KRT73: variants seen among roughly 807,000 people sequenced by gnomAD.
KRT73 encodes the protein keratin, type II cytoskeletal 73.
Under a neutral mutation model 47.2 loss-of-function variants are expected in KRT73, and 44 were observed. The ratio of observed to expected loss-of-function variants is 0.93; its 90% CI spans 0.73 to 1.20. The LOEUF is 1.20. Ranked by LOEUF, KRT73 falls within the 50% of genes most tolerant of loss-of-function variation. The pLI, the probability that KRT73 is intolerant of heterozygous loss-of-function variation, is 0.00. For synonymous variants in KRT73, 285 were observed against 291.3 expected (o/e 0.98, Z 0.22); for missense variants, 713 against 704.5 (o/e 1.01, Z -0.14).
intron 1 of KRT73, among the ~76,000 whole-genome samples, chr12:52,617,730 G>A (rs1940840454): frequency 6.6e-6 from 1 of 152,142 alleles, no homozygotes; most frequent in Non-Finnish European, 1.5e-5. Context: ...TAGGCTGCTG[G>A]CTCCTCTCAC....
chr12:52,620,003 G>A (rs1300934993), upstream of KRT73, among the ~76,000 whole-genome samples: 1 of 150,852 alleles, frequency 6.6e-6, no homozygotes. Flanking sequence ...TTGTTTTCTA[G>A]TTAAGAATAA....
In KRT73 at chr12:52,610,730, C is replaced by T; in HGVS notation, c.1216G>A (p.Ala406Thr). 2 of 1,613,984 alleles carry T rather than the reference C, an allele frequency of 1.2e-6. No homozygotes were observed. Among genetic ancestry groups the T allele is most frequent in the Non-Finnish European group, 1.7e-6 (2 of 1,180,010 alleles). ...AGCATCCGTGCCAGCTCCTCCTTGGCCTGCTGCAGGGCGCCCTCCAGCTCA... is the reference window on the plus strand; with the variant it reads ...AGCATCCGTGCCAGCTCCTCCTTGGTCTGCTGCAGGGCGCCCTCCAGCTCA... ...LDELEGALQQ[A>T]KEELARMLRE... The change falls in exon 7 of 9, where the codon GCC becomes ACC. Residue 406 changes from alanine (A) to threonine (T), a missense_variant. By Grantham distance (58) the Ala-to-Thr change is moderately conservative. Coordinates refer to ENST00000305748, the MANE Select transcript of KRT73 (RefSeq NM_175068.3).
intron 6 of KRT73, 138 bp downstream of exon 6, chr12:52,611,066 G>T: frequency 8.7e-7 from 1 of 1,148,074 alleles, no homozygotes. Context: ...TGGGAGCTAA[G>T]GGTGAGGGAT....
At chr12:52,624,147 CAGAG>C in the KRT73 span, among the ~76,000 whole-genome samples, 2 of 151,682 alleles carry the variant, frequency 1.3e-5, no homozygotes, top group Admixed American at 6.6e-5. Flanking sequence ...AATTATGAGA[CAGAG>C]AGAGACAGTG....
Position 52,609,264 on chromosome 12 carries a change from G to T in KRT73, c.1349C>A (p.Thr450Asn). The change falls in exon 8 of 9, where the codon ACC (threonine) becomes AAC (asparagine). Residue 450 changes from threonine (T) to asparagine (N), a missense_variant. By Grantham distance (65) the Thr-to-Asn change is moderately conservative. Transcript: ENST00000305748. ...GEECRMSGEY[T>N]NSVSISVINS... ...ATACTCACAAATGCTCACGGAGTTG[G>T]TATATTCTCCGGACATCCTGCAAGA... 6.2e-7 allele frequency: 1 copy of T among 1,613,622 alleles called. No individual in the cohort carries two copies. Among genetic ancestry groups the T allele is most frequent in the Non-Finnish European group, 8.5e-7 (1 of 1,179,546 alleles).
chr12:52,624,177 C>A, the KRT73 span, among the ~76,000 whole-genome samples: 4 of 151,804 alleles, frequency 2.6e-5, no homozygotes, highest in Non-Finnish European at 5.9e-5. Flanking sequence ...TTTAAAAAGA[C>A]CAATTCACCA....
Position 52,618,158 on chromosome 12 carries a change from G to C in KRT73, c.367C>G (p.Pro123Ala). The C allele has an allele frequency of 1.2e-6, 2 of 1,613,930 alleles. No homozygotes were observed. The highest frequency in any genetic ancestry group is 8.5e-7 in the Non-Finnish European group (1 of 1,179,938). Residue 123 changes from proline to alanine, a missense_variant, in exon 1 of 9, where the codon CCT becomes GCT. Physicochemically the swap from Pro to Ala is conservative, Grantham distance 27. Transcript: ENST00000305748. Reference sequence around the variant, plus strand: ...TGGGCACGCACTTTCTGGATTTCAGGGTCCAGCTCCACGTTCAGGGGTGCC... The same window carrying C: ...TGGGCACGCACTTTCTGGATTTCAGCGTCCAGCTCCACGTTCAGGGGTGCC... The part of the protein sequence containing the change: ...LLAPLNVELD[P>A]EIQKVRAQER...
At chr12:52,609,831 T>G (rs989317884) in intron 7 of KRT73, 2 of 153,156 alleles carry the variant, frequency 1.3e-5, no homozygotes, top group African/African-American at 4.8e-5. Flanking sequence ...AAAAGTGCAT[T>G]TCTTTTAAAA....
At position 52,608,270 on chromosome 12, in the gene KRT73, TC is replaced by T. The variant is rs772875658; in HGVS notation, c.1548del (p.Ser517ValfsTer13). 3.7e-6 allele frequency: 6 copies of T among 1,613,870 alleles called. No homozygotes were observed. In the East Asian group the frequency reaches 1.1e-4, roughly 30 times the overall value. ...TGGGAGTCCCTGAATTCACTTGCAC[TC>T]CCCAGCCTGGTCCTGGCTTCCCCAC... Reference protein sequence around the residue: ...SPRGEARTRLGSASEFRDSQG... With the variant: ...SPRGEARTRLXSASEFRDSQG... On this transcript the variant is annotated frameshift_variant, in exon 9 of 9. Coordinates refer to ENST00000305748, the MANE Select transcript of KRT73 (RefSeq NM_175068.3). LOFTEE classifies it high-confidence loss of function.
chr12:52,617,678 C>T lies in KRT73; in HGVS notation c.447+400G>A, dbSNP rs150979083. Among the ~76,000 whole-genome samples the T allele has an allele frequency of 5.6e-3, 857 of 152,342 alleles. 5 individuals carry two copies. The highest frequency in any genetic ancestry group is 0.019 in the African/African-American group (792 of 41,590). On this transcript the variant is annotated intron_variant, in intron 1 of 8. Coordinates refer to ENST00000305748, the MANE Select transcript of KRT73 (RefSeq NM_175068.3). ...AGGCTGTCACTCTGCTACTTCTCAA[C>T]TCAGAGACCGCTCTCATTGCTTCCT...
chr12:52,608,281 G>C lies in KRT73; in HGVS notation c.1538C>G (p.Thr513Ser). 1.2e-6 allele frequency: 2 copies of C among 1,613,990 alleles called. No homozygotes were observed. Among genetic ancestry groups the C allele is most frequent in the Non-Finnish European group, 1.7e-6 (2 of 1,179,998 alleles). Residue 513 changes from threonine (T) to serine (S), a missense_variant, in exon 9 of 9, where the codon ACC (threonine) becomes AGC (serine). By Grantham distance (58) the Thr-to-Ser change is moderately conservative. Transcript: ENST00000305748. ...GAATTCACTTGCACTCCCCAGCCTG[G>C]TCCTGGCTTCCCCACGGGGGCTACA... ...GNCSPRGEAR[T>S]RLGSASEFRD...
upstream of KRT73, among the ~76,000 whole-genome samples, chr12:52,621,518 CATG>C (rs1277687592): frequency 1.3e-5 from 2 of 152,170 alleles, no homozygotes; most frequent in Admixed American, 1.3e-4. Flanking sequence ...CAGTGAAAGA[CATG>C]ATGATTATTT....
chr12:52,618,674 A>C, upstream of KRT73: 1 of 760,290 alleles, frequency 1.3e-6, no homozygotes, highest in East Asian at 2.8e-5. Context: ...GCAAGAAATC[A>C]TTTTCTCCCA....
Position 52,608,395 on chromosome 12 carries a change from C to T in KRT73, c.1424G>A (p.Ser475Asn). ...CCAGTAGCCGTAGGTGCCAGCATTG[C>T]TGAATCCAAAGCCAGCCCCTGTGCC... is the stretch of plus-strand genomic sequence containing the variant. Reference protein sequence around the residue: ...MAGTGAGFGFSNAGTYGYWPS... With the variant: ...MAGTGAGFGFNNAGTYGYWPS... Residue 475 changes from serine to asparagine, a missense_variant, in exon 9 of 9, where the codon AGC becomes AAC. By Grantham distance (46) the Ser-to-Asn change is conservative. Transcript: ENST00000305748. 1 of 1,612,804 alleles carries T rather than the reference C, an allele frequency of 6.2e-7. No homozygotes were observed.
At chr12:52,611,704 A>G (rs73320391) in intron 5 of KRT73, among the ~76,000 whole-genome samples, 3,157 of 152,182 alleles carry the variant, frequency 0.021, 111 homozygotes, top group African/African-American at 0.073. Context: ...CCTAACACCT[A>G]TCTGACTCCC....
At position 52,614,681 on chromosome 12, in the gene KRT73, A is replaced by C; in HGVS notation, c.724-7T>G. ...TGTAAGCTGCGTCCACGTCCTATGGAGAATCCAGATACCCCTGACCTCACC... is the reference window on the plus strand; with the variant it reads ...TGTAAGCTGCGTCCACGTCCTATGGCGAATCCAGATACCCCTGACCTCACC... On this transcript the variant is annotated splice_polypyrimidine_tract_variant and splice_region_variant and intron_variant, in intron 3 of 8. Transcript: ENST00000305748. 1.9e-6 allele frequency: 3 copies of C among 1,611,176 alleles called. No homozygotes were observed. In the South Asian group the frequency reaches 3.3e-5, roughly 18 times the overall value.
chr12:52,626,798 C>A, the KRT73 span, among the ~76,000 whole-genome samples: 1 of 152,162 alleles, frequency 6.6e-6, no homozygotes, highest in Non-Finnish European at 1.5e-5. Context: ...GGGAAGGCAA[C>A]GCAGCCATAG....
At chr12:52,620,046 G>A (rs908838553), upstream of KRT73, among the ~76,000 whole-genome samples, 3 of 151,558 alleles carry the variant, frequency 2.0e-5, no homozygotes, top group Non-Finnish European at 4.4e-5. Context: ...TTTCACTAAA[G>A]GCAATGCCAC....
At chr12:52,610,546 C>A in intron 7 of KRT73, 69 bp downstream of exon 7, 3 of 824,614 alleles carry the variant, frequency 3.6e-6, no homozygotes, top group Non-Finnish European at 5.4e-6. Flanking sequence ...CCCCCCCGCC[C>A]CCAACCACAC....
Sources: gnomAD v4.1 joint callset for allele counts (sites outside exome capture counted in the v4.1 genomes callset) on GRCh38, gnomAD v4.1.1 for gene constraint, MANE v1.5 for transcripts, NCBI Gene and HGNC (gene_info 2026-07-23, HGNC 2026-07-21) for gene names.